The following TTC29 variants were observed in gnomAD, a reference collection of about 807,000 sequenced individuals.
TTC29 encodes the protein tetratricopeptide repeat domain 29.
In TTC29, 49 loss-of-function variants were observed where a neutral mutation model predicts 58.1. The ratio of observed to expected loss-of-function variants is 0.84; its 90% CI spans 0.67 to 1.07. The LOEUF is 1.07. Among genes scored for constraint, TTC29 ranks in the 50% least tolerant of loss-of-function variants. TTC29 has a pLI of 0.00. For synonymous variants in TTC29, 209 were observed against 196.8 expected, an observed-to-expected ratio of 1.06 and a Z score of -0.52; for missense variants, 582 against 555.6, an observed-to-expected ratio of 1.05 and a Z score of -0.48.
intron 6 of TTC29, among the ~76,000 whole-genome samples, chr4:146,890,119 G>T (rs926786719): frequency 6.6e-6 from 1 of 152,044 alleles, no homozygotes; most frequent in African/African-American, 2.4e-5. Context: ...TCATAAAAAA[G>T]CAGCACAAAC....
At chr4:146,837,173 A>G (rs2150162990) in intron 8 of TTC29, among the ~76,000 whole-genome samples, 1 of 152,292 alleles carries the variant, frequency 6.6e-6, no homozygotes, top group African/African-American at 2.4e-5. Flanking sequence ...ATAAGAAAGA[A>G]TGAGATCATG....
chr4:146,848,363 G>GTAA (rs1374363199), intron 8 of TTC29, among the ~76,000 whole-genome samples: 3 of 152,162 alleles, frequency 2.0e-5, no homozygotes, highest in Non-Finnish European at 4.4e-5. Context: ...AGTTTACTGT[G>GTAA]TAATATTATA....
chr4:146,832,469 C>T (rs927955676), intron 9 of TTC29, among the ~76,000 whole-genome samples: 32 of 152,044 alleles, frequency 2.1e-4, no homozygotes, highest in African/African-American at 7.0e-4. Flanking sequence ...TGGGTAAACA[C>T]CCATACTCTC....
chr4:146,742,896 T>C (rs932812528), intron 11 of TTC29, among the ~76,000 whole-genome samples: 4 of 152,098 alleles, frequency 2.6e-5, no homozygotes, highest in African/African-American at 9.7e-5. Flanking sequence ...TAATATAATC[T>C]GCTTTTCAGA....
intron 11 of TTC29, among the ~76,000 whole-genome samples, chr4:146,799,917 A>G (rs1750095877): frequency 1.3e-5 from 2 of 152,218 alleles, no homozygotes; most frequent in Admixed American, 1.3e-4. Context: ...ATTTAAAAAA[A>G]TTCTTCTTGA....
chr4:146,914,828 A>G (rs930431475), intron 4 of TTC29, among the ~76,000 whole-genome samples: 3 of 152,184 alleles, frequency 2.0e-5, no homozygotes, highest in Non-Finnish European at 4.4e-5. Context: ...AAATGCAGAG[A>G]TTTAAAAAAT....
At chr4:146,737,761 C>T (rs1744831840) in intron 11 of TTC29, among the ~76,000 whole-genome samples, 1 of 152,122 alleles carries the variant, frequency 6.6e-6, no homozygotes, top group East Asian at 1.9e-4. Flanking sequence ...AACAAACAAA[C>T]TGTTCAGCCC....
At chr4:146,761,233 A>G (rs1746873523) in intron 11 of TTC29, among the ~76,000 whole-genome samples, 1 of 151,888 alleles carries the variant, frequency 6.6e-6, no homozygotes, top group African/African-American at 2.4e-5. Context: ...AACTAATGGA[A>G]AAAAATACAA....
intron 6 of TTC29, among the ~76,000 whole-genome samples, chr4:146,886,023 C>A (rs1467580252): frequency 1.3e-5 from 2 of 151,944 alleles, no homozygotes; most frequent in African/African-American, 4.8e-5. Flanking sequence ...ATTTTTCTTA[C>A]CAATTGATGG....
At chr4:146,718,778 G>A (rs1355844390) in intron 11 of TTC29, among the ~76,000 whole-genome samples, 9 of 151,996 alleles carry the variant, frequency 5.9e-5, no homozygotes, top group African/African-American at 2.2e-4. Context: ...AAAAGTTATT[G>A]CCTAGACCAA....
chr4:146,707,808 T>A (rs936341208), intron 11 of TTC29, among the ~76,000 whole-genome samples: 2 of 152,146 alleles, frequency 1.3e-5, no homozygotes, highest in African/African-American at 4.8e-5. Context: ...GAAATTGAGC[T>A]ACCCTTAAGA....
At chr4:146,929,816 A>T (rs1735185910) in intron 4 of TTC29, among the ~76,000 whole-genome samples, 1 of 152,028 alleles carries the variant, frequency 6.6e-6, no homozygotes, top group Non-Finnish European at 1.5e-5. Context: ...AGTATCTGTG[A>T]TGTGCAATAC....
intron 11 of TTC29, among the ~76,000 whole-genome samples, chr4:146,763,238 T>C (rs1211643942): frequency 6.6e-6 from 1 of 152,104 alleles, no homozygotes; most frequent in South Asian, 2.1e-4. Flanking sequence ...ATTAAGTAAA[T>C]ATAAAGTTAA....
chr4:146,912,984 G>A (rs539880652), intron 4 of TTC29, among the ~76,000 whole-genome samples: 8 of 152,252 alleles, frequency 5.3e-5, no homozygotes, highest in Admixed American at 2.6e-4. Flanking sequence ...AGGGGAACAC[G>A]AAAGGATGAA....
In TTC29 at chr4:146,930,118, T is replaced by TATATATATATATATAC. The variant is rs1334021950; in HGVS notation, c.176+7475_176+7476insGTATATATATATATAT. On this transcript the variant is annotated intron_variant, in intron 4 of 12. Transcript: ENST00000325106. Reference sequence around the variant, plus strand: ...ATATATATATATATATATATATATATACACACATATATATCTTGATAAGTT... The same window carrying TATATATATATATATAC: ...ATATATATATATATATATATATATATATATATATATATATACACACACATATATATCTTGATAAGTT... Among the ~76,000 whole-genome samples the TATATATATATATATAC allele has an allele frequency of 1.3e-3, 170 of 128,772 alleles. 1 individual carries two copies. Among genetic ancestry groups the TATATATATATATATAC allele is most frequent in the Middle Eastern group, 4.6e-3 (1 of 218 alleles). The allele number at this position is 128,772 out of a possible 152,430, so 84.5% of individuals were successfully genotyped here. A position where few individuals can be genotyped will look rare whatever the true frequency, so the allele number is the denominator to read the frequency against.
At chr4:146,917,372 T>C (rs1734293146) in intron 4 of TTC29, among the ~76,000 whole-genome samples, 1 of 141,198 alleles carries the variant, frequency 7.1e-6, no homozygotes, top group South Asian at 2.2e-4. Flanking sequence ...TTTATAATAT[T>C]ATGTTATGAC....
intron 4 of TTC29, among the ~76,000 whole-genome samples, chr4:146,921,154 A>G (rs1035861990): frequency 2.6e-5 from 4 of 151,476 alleles, no homozygotes; most frequent in African/African-American, 9.7e-5. Flanking sequence ...TTCACAGACT[A>G]TATGTATATG....
chr4:146,736,229 C>A (rs1189317455), intron 11 of TTC29, among the ~76,000 whole-genome samples: 1 of 150,240 alleles, frequency 6.7e-6, no homozygotes, highest in Non-Finnish European at 1.5e-5. Context: ...GGCTGGGGAC[C>A]CAAAGCCTTT....
intron 9 of TTC29, among the ~76,000 whole-genome samples, chr4:146,821,775 T>C (rs978975477): frequency 1.3e-5 from 2 of 152,112 alleles, no homozygotes; most frequent in African/African-American, 4.8e-5. Context: ...TCCAGTAACA[T>C]CAAGAAACTT....
Sources: gnomAD v4.1 joint callset for allele counts (sites outside exome capture counted in the v4.1 genomes callset) on GRCh38, gnomAD v4.1.1 for gene constraint, MANE v1.5 for transcripts, NCBI Gene and HGNC (gene_info 2026-07-23, HGNC 2026-07-21) for gene names.